Variants in KCNC2 observed in about 807,000 individuals in gnomAD.
KCNC2 encodes the protein potassium voltage-gated channel subfamily C member 2, also known as voltage-gated potassium channel KCNC2.
Under a neutral mutation model 44.5 loss-of-function variants are expected in KCNC2, and 21 were observed. The observed-to-expected ratio is 0.47, with a 90% CI of 0.33 to 0.68. The LOEUF (loss-of-function observed/expected upper bound fraction) is 0.68. Among genes scored for constraint, KCNC2 ranks in the 30% least tolerant of loss-of-function variants. The probability of loss-of-function intolerance (pLI) is 0.01; values close to 1 mark genes in which losing one functional copy is unlikely to be tolerated. For missense variants in KCNC2, 589 were observed against 826.2 expected, an observed-to-expected ratio of 0.71 and a Z score of 3.52; for synonymous variants, 391 against 339.1, an observed-to-expected ratio of 1.15 and a Z score of -1.68.
At chr12:75,191,101 A>G (rs2030164656) in intron 2 of KCNC2, among the ~76,000 whole-genome samples, 3 of 152,146 alleles carry the variant, frequency 2.0e-5, no homozygotes. Context: ...TCACAATAAC[A>G]ACCAGGCATA....
chr12:75,074,863 A>G (rs1883769339), intron 2 of KCNC2, among the ~76,000 whole-genome samples: 1 of 152,206 alleles, frequency 6.6e-6, no homozygotes, highest in Non-Finnish European at 1.5e-5. Context: ...TGTGTTAGAG[A>G]AACACAATGT....
intron 2 of KCNC2, among the ~76,000 whole-genome samples, chr12:75,101,576 T>A (rs1376562757): frequency 6.6e-6 from 1 of 152,070 alleles, no homozygotes; most frequent in African/African-American, 2.4e-5. Flanking sequence ...AAGAGAAAAC[T>A]TGGCTGGTCC....
At chr12:75,161,500 T>G (rs936577374) in intron 2 of KCNC2, among the ~76,000 whole-genome samples, 2 of 151,740 alleles carry the variant, frequency 1.3e-5, no homozygotes, top group Admixed American at 6.6e-5. Flanking sequence ...CAAAATAAGA[T>G]TCTAAAGTTT....
At chr12:75,098,616 A>C (rs1886125605) in intron 2 of KCNC2, among the ~76,000 whole-genome samples, 1 of 152,054 alleles carries the variant, frequency 6.6e-6, no homozygotes, top group Non-Finnish European at 1.5e-5. Context: ...GAAATTAGCC[A>C]GGCATGGTGG....
chr12:75,055,203 G>A (rs1881610706), intron 2 of KCNC2, among the ~76,000 whole-genome samples: 1 of 151,830 alleles, frequency 6.6e-6, no homozygotes, highest in Non-Finnish European at 1.5e-5. Context: ...ATAAAGGGGT[G>A]GAAGAATTAA....
At chr12:75,140,546 T>C (rs75084234) in intron 2 of KCNC2, among the ~76,000 whole-genome samples, 4,992 of 152,286 alleles carry the variant, frequency 0.033, 277 homozygotes, top group African/African-American at 0.11. Flanking sequence ...TTTGCTACCA[T>C]GTAATAAATT....
chr12:75,177,806 A>G (rs939788901), intron 2 of KCNC2, among the ~76,000 whole-genome samples: 1 of 152,012 alleles, frequency 6.6e-6, no homozygotes, highest in Non-Finnish European at 1.5e-5. Flanking sequence ...TCTTGGACCA[A>G]TCAGGCCTAC....
intron 2 of KCNC2, among the ~76,000 whole-genome samples, chr12:75,052,013 G>C (rs1297090165): frequency 6.6e-6 from 1 of 151,980 alleles, no homozygotes; most frequent in Non-Finnish European, 1.5e-5. Flanking sequence ...AAGTGTTCGA[G>C]TAACATACTA....
chr12:75,156,725 A>T (rs941312265), intron 2 of KCNC2, among the ~76,000 whole-genome samples: 8 of 151,854 alleles, frequency 5.3e-5, no homozygotes, highest in Non-Finnish European at 1.2e-4. Context: ...ATAGCTACAG[A>T]TATTCTACCC....
intron 2 of KCNC2, among the ~76,000 whole-genome samples, chr12:75,201,282 A>G (rs1419878868): frequency 3.1e-5 from 4 of 127,194 alleles, no homozygotes; most frequent in African/African-American, 1.3e-4. Context: ...AAAAAAAAAA[A>G]AAAAAAAAAA....
intron 2 of KCNC2, among the ~76,000 whole-genome samples, chr12:75,063,984 CA>C (rs1191670223): frequency 6.6e-6 from 1 of 151,942 alleles, no homozygotes; most frequent in Non-Finnish European, 1.5e-5. Context: ...AACTTTACCA[CA>C]AAAAATCAGG....
intron 2 of KCNC2, among the ~76,000 whole-genome samples, chr12:75,163,553 C>A (rs1891257593): frequency 6.6e-6 from 1 of 151,736 alleles, no homozygotes; most frequent in African/African-American, 2.4e-5. Flanking sequence ...TAAGCACACA[C>A]ATATTCCTGT....
chr12:75,124,346 C>T (rs1175125345), intron 2 of KCNC2, among the ~76,000 whole-genome samples: 1 of 152,156 alleles, frequency 6.6e-6, no homozygotes, highest in Non-Finnish European at 1.5e-5. Context: ...CTGTTTAATA[C>T]TTTCACTAAG....
At chr12:75,053,597 T>C (rs1450210637) in intron 2 of KCNC2, among the ~76,000 whole-genome samples, 1 of 151,926 alleles carries the variant, frequency 6.6e-6, no homozygotes, top group Non-Finnish European at 1.5e-5. Context: ...ACCATGATTT[T>C]GTATTTGTAT....
intron 2 of KCNC2, among the ~76,000 whole-genome samples, chr12:75,113,218 G>T (rs1042796994): frequency 6.6e-6 from 1 of 152,062 alleles, no homozygotes; most frequent in East Asian, 1.9e-4. Context: ...TCTATCATTT[G>T]ACAAATGCAA....
At chr12:75,200,375 T>C (rs1464035671) in intron 2 of KCNC2, among the ~76,000 whole-genome samples, 1 of 151,852 alleles carries the variant, frequency 6.6e-6, no homozygotes, top group Non-Finnish European at 1.5e-5. Context: ...CTTCCAGTTC[T>C]AATCAGCATA....
intron 2 of KCNC2, among the ~76,000 whole-genome samples, chr12:75,172,294 G>A (rs1448842659): frequency 6.6e-6 from 1 of 151,818 alleles, no homozygotes; most frequent in Non-Finnish European, 1.5e-5. Flanking sequence ...TGGGAAGATG[G>A]CGGGGAAGGA....
intron 2 of KCNC2, among the ~76,000 whole-genome samples, chr12:75,068,588 A>G (rs1341818346): frequency 1.3e-5 from 2 of 151,930 alleles, no homozygotes; most frequent in Non-Finnish European, 2.9e-5. Context: ...TCTTATTCCT[A>G]TAGGAATTGT....
intron 2 of KCNC2, among the ~76,000 whole-genome samples, chr12:75,052,466 T>C (rs895738299): frequency 6.6e-6 from 1 of 152,112 alleles, no homozygotes; most frequent in South Asian, 2.1e-4. Flanking sequence ...GGCACTGTTA[T>C]AGTCAGCAGT....
Sources: allele counts gnomAD v4.1 joint callset (sites outside exome capture counted in the v4.1 genomes callset), GRCh38; gene constraint gnomAD v4.1.1; transcripts MANE v1.5; gene names NCBI Gene and HGNC (gene_info 2026-07-23, HGNC 2026-07-21).